PPP1R1C: variants seen among roughly 807,000 people sequenced by gnomAD.
PPP1R1C encodes the protein protein phosphatase 1 regulatory subunit 1C.
Under a neutral mutation model 17.4 loss-of-function variants are expected in PPP1R1C, and 15 were observed. That is an observed-to-expected ratio of 0.86 (90% CI 0.58 to 1.33). The LOEUF is 1.33. Among genes scored for constraint, PPP1R1C ranks in the 40% most tolerant of loss-of-function variants. The pLI, the probability that PPP1R1C is intolerant of heterozygous loss-of-function variation, is 0.00. For missense variants in PPP1R1C, 143 were observed against 130.0 expected, an observed-to-expected ratio of 1.10 and a Z score of -0.48; for synonymous variants, 35 against 43.1, an observed-to-expected ratio of 0.81 and a Z score of 0.73.
At chr2:182,044,274 A>G (rs538827409) in intron 2 of PPP1R1C, among the ~76,000 whole-genome samples, 16 of 152,308 alleles carry the variant, frequency 1.1e-4, no homozygotes, top group Admixed American at 8.5e-4. Context: ...GTTTTCCATC[A>G]CTTTTGGAAT....
At chr2:182,033,782 A>G (rs1270104451) in intron 2 of PPP1R1C, among the ~76,000 whole-genome samples, 1 of 152,166 alleles carries the variant, frequency 6.6e-6, no homozygotes, top group African/African-American at 2.4e-5. Flanking sequence ...AAAAGTTCCA[A>G]GCTCATTTGT....
At chr2:181,981,949 A>G (rs149674133), upstream of PPP1R1C, among the ~76,000 whole-genome samples, 1 of 152,202 alleles carries the variant, frequency 6.6e-6, no homozygotes, top group Non-Finnish European at 1.5e-5. Flanking sequence ...TAATGTAGTC[A>G]TGTGTAATAC....
At chr2:181,959,278 A>G (rs1684725169) in intron 1 of PPP1R1C, among the ~76,000 whole-genome samples, 1 of 152,242 alleles carries the variant, frequency 6.6e-6, no homozygotes. Context: ...GAATGCCAAT[A>G]TTAGTAAATA....
Position 181,961,210 on chromosome 2 carries a change from T to A in PPP1R1C, n.111+6576T>A. ...GTACCCTGCTTCTGCTGGCTTGATG[T>A]CTTAGAACTTTGGTGTCATTGGTCT... On this transcript the variant is annotated intron_variant and non_coding_transcript_variant, in intron 1 of 5. Transcript: ENST00000464264. This position sits in a 1 kb window ranked among gnomAD's most constrained non-coding sequence, Gnocchi z 5.8. 2 of 902,884 alleles carry A rather than the reference T, an allele frequency of 2.2e-6. No homozygotes were observed. Among genetic ancestry groups the A allele is most frequent in the Non-Finnish European group, 3.6e-6 (2 of 552,510 alleles). The allele number at this position is 902,884 out of a possible 1,614,324, so 55.9% of individuals were successfully genotyped here.
chr2:182,039,302 G>A (rs1559067778), intron 2 of PPP1R1C, among the ~76,000 whole-genome samples: 1 of 152,128 alleles, frequency 6.6e-6, no homozygotes, highest in Non-Finnish European at 1.5e-5. Flanking sequence ...ATCTGCAAAT[G>A]GTACTGCTCA....
chr2:182,020,675 C>G (rs897529791), intron 2 of PPP1R1C, among the ~76,000 whole-genome samples: 1 of 152,196 alleles, frequency 6.6e-6, no homozygotes, highest in Non-Finnish European at 1.5e-5. Flanking sequence ...CTGATCCTCT[C>G]TTTCCCCACT....
At chr2:182,051,865 C>T (rs930374690) in intron 2 of PPP1R1C, among the ~76,000 whole-genome samples, 53 of 151,944 alleles carry the variant, frequency 3.5e-4, no homozygotes, top group Non-Finnish European at 4.0e-4. Context: ...TGTGATAATA[C>T]TGGTGCGCAT....
intron 2 of PPP1R1C, among the ~76,000 whole-genome samples, chr2:181,977,918 A>G (rs1261214644): frequency 6.6e-6 from 1 of 152,180 alleles, no homozygotes; most frequent in Admixed American, 6.5e-5. Context: ...GTTGACAGGA[A>G]TCAGCATGTG....
In PPP1R1C at chr2:181,957,766, AC is replaced by A. The variant is rs1684695876; in HGVS notation, n.111+3134del. On this transcript the variant is annotated intron_variant and non_coding_transcript_variant, in intron 1 of 5. Transcript: ENST00000464264. The surrounding 1 kb of genome is among the most constrained non-coding windows in gnomAD (Gnocchi z 4.2). The stretch of plus-strand genomic sequence containing the variant: ...GCTTGTACTTTGGACTTTTCTGAAC[AC>A]CACGCCTTACCCCATACTCATCAGC... 6.6e-6 allele frequency among the ~76,000 whole-genome samples: 1 copy of A among 152,216 alleles called. No individual in the cohort carries two copies. The highest frequency in any genetic ancestry group is 2.1e-4 in the South Asian group (1 of 4,814).
exon 6 of PPP1R1C, chr2:182,129,085 G>A (rs557819400): frequency 6.6e-5 from 10 of 152,240 alleles, no homozygotes; most frequent in African/African-American, 2.4e-4. Context: ...CCATCATGAT[G>A]CCACGTTGCT....
chr2:181,982,113 G>A (rs1215300366), upstream of PPP1R1C, among the ~76,000 whole-genome samples: 1 of 152,080 alleles, frequency 6.6e-6, no homozygotes, highest in Non-Finnish European at 1.5e-5. Flanking sequence ...TTAAAAATTT[G>A]CTTTTCCCTC....
intron 2 of PPP1R1C, among the ~76,000 whole-genome samples, chr2:182,023,290 G>T (rs554079013): frequency 5.6e-4 from 85 of 151,990 alleles, no homozygotes; most frequent in African/African-American, 2.0e-3. Flanking sequence ...ATACCAAAAT[G>T]GTACCACTAC....
chr2:182,100,015 T>C (rs753960820), intron 4 of PPP1R1C, among the ~76,000 whole-genome samples: 1 of 152,186 alleles, frequency 6.6e-6, no homozygotes, highest in Non-Finnish European at 1.5e-5. Context: ...CTTTCTCTAT[T>C]ACCTCAGTTG....
chr2:182,049,067 T>G (rs1418593849), intron 2 of PPP1R1C, among the ~76,000 whole-genome samples: 2 of 152,164 alleles, frequency 1.3e-5, no homozygotes, highest in Non-Finnish European at 2.9e-5. Flanking sequence ...GCATGGAGGC[T>G]CACGCCTGTA....
chr2:182,029,572 T>G (rs1187692378), intron 2 of PPP1R1C, among the ~76,000 whole-genome samples: 3 of 142,688 alleles, frequency 2.1e-5, no homozygotes, highest in Admixed American at 2.1e-4. Context: ...GGGTTTCTGC[T>G]GAGAGATCCG....
intron 2 of PPP1R1C, among the ~76,000 whole-genome samples, chr2:182,013,776 C>T (rs887535453): frequency 4.6e-5 from 7 of 152,156 alleles, no homozygotes; most frequent in African/African-American, 1.4e-4. Context: ...TACCTTCAAG[C>T]TCACCATTTC....
At chr2:182,008,038 G>A (rs1238912847) in intron 2 of PPP1R1C, among the ~76,000 whole-genome samples, 1 of 151,676 alleles carries the variant, frequency 6.6e-6, no homozygotes, top group Non-Finnish European at 1.5e-5. Context: ...ACTGCACTCC[G>A]GCCTGGGCGA....
intron 2 of PPP1R1C, among the ~76,000 whole-genome samples, chr2:181,999,906 A>G (rs1440578069): frequency 1.3e-5 from 2 of 152,126 alleles, no homozygotes; most frequent in African/African-American, 4.8e-5. Flanking sequence ...TTAAGAAATC[A>G]TTATCTTGAC....
At chr2:181,968,011 G>A (rs533592355) in intron 1 of PPP1R1C, among the ~76,000 whole-genome samples, 14 of 152,292 alleles carry the variant, frequency 9.2e-5, no homozygotes, top group South Asian at 8.3e-4. Context: ...CACTGTGCCC[G>A]GCCTGTTATC....
Sources: gnomAD v4.1 joint callset for allele counts (sites outside exome capture counted in the v4.1 genomes callset) on GRCh38, gnomAD v4.1.1 for gene constraint, Gnocchi (gnomAD v3.1) non-coding constraint, MANE v1.5 for transcripts, NCBI Gene and HGNC (gene_info 2026-07-23, HGNC 2026-07-21) for gene names.